Variants in SLC35F1 observed in about 807,000 individuals in gnomAD.
SLC35F1 encodes the protein chromosome 6 open reading frame 169.
In SLC35F1, 14 loss-of-function variants were observed where a neutral mutation model predicts 48.7. The observed-to-expected ratio is 0.29, with a 90% CI of 0.19 to 0.45. The LOEUF is 0.45. Among genes scored for constraint, SLC35F1 ranks in the 20% least tolerant of loss-of-function variants. The pLI is 1.00. For synonymous variants in SLC35F1, 190 were observed against 202.2 expected (o/e 0.94, Z 0.51); for missense variants, 404 against 500.0 (o/e 0.81, Z 1.83).
At chr6:117,960,681 T>C (rs936736613) in intron 1 of SLC35F1, among the ~76,000 whole-genome samples, 1 of 152,106 alleles carries the variant, frequency 6.6e-6, no homozygotes, top group African/African-American at 2.4e-5. Flanking sequence ...ATGAAGTGTA[T>C]TCTCTGCAGA....
intron 1 of SLC35F1, among the ~76,000 whole-genome samples, chr6:118,051,094 A>G (rs1461986605): frequency 6.6e-6 from 1 of 152,200 alleles, no homozygotes; most frequent in Non-Finnish European, 1.5e-5. Flanking sequence ...CTCCTGCTAA[A>G]TAAGTGTAGG....
intron 3 of SLC35F1, among the ~76,000 whole-genome samples, chr6:118,249,694 T>G (rs969989112): frequency 3.3e-5 from 5 of 152,234 alleles, no homozygotes; most frequent in Non-Finnish European, 7.3e-5. Flanking sequence ...TCAATGAGAA[T>G]GCATAGAAAC....
intron 1 of SLC35F1, among the ~76,000 whole-genome samples, chr6:118,024,209 C>T (rs1777434550): frequency 6.6e-6 from 1 of 152,136 alleles, no homozygotes; most frequent in Non-Finnish European, 1.5e-5. Flanking sequence ...TTGTGAGCCT[C>T]TAGGAAACCA....
At chr6:118,144,293 T>C (rs1264888485) in intron 1 of SLC35F1, among the ~76,000 whole-genome samples, 1 of 152,050 alleles carries the variant, frequency 6.6e-6, no homozygotes, top group African/African-American at 2.4e-5. Context: ...TGCAGGGACA[T>C]GGATGAAGCT....
chr6:118,184,659 A>G (rs1434961299), intron 2 of SLC35F1, among the ~76,000 whole-genome samples: 1 of 152,228 alleles, frequency 6.6e-6, no homozygotes, highest in Admixed American at 6.5e-5. Flanking sequence ...ACACACAAAA[A>G]TAAGTCTTCT....
At chr6:118,091,424 G>A (rs1390521662) in intron 1 of SLC35F1, among the ~76,000 whole-genome samples, 1 of 152,124 alleles carries the variant, frequency 6.6e-6, no homozygotes, top group Non-Finnish European at 1.5e-5. Flanking sequence ...GGGATCTGAT[G>A]GTTTTATGAA....
chr6:118,062,677 T>A (rs1772557484), intron 1 of SLC35F1, among the ~76,000 whole-genome samples: 2 of 152,126 alleles, frequency 1.3e-5, no homozygotes, highest in African/African-American at 2.4e-5. Context: ...TGAAAATATG[T>A]GATTTTAAAC....
At chr6:118,041,923 C>G (rs554941756) in intron 1 of SLC35F1, among the ~76,000 whole-genome samples, 3 of 150,762 alleles carry the variant, frequency 2.0e-5, no homozygotes, top group South Asian at 2.1e-4. Context: ...TCATTTGCTA[C>G]AGCCAAACAG....
At chr6:118,123,565 G>T (rs935480346) in intron 1 of SLC35F1, among the ~76,000 whole-genome samples, 8 of 152,096 alleles carry the variant, frequency 5.3e-5, no homozygotes, top group Non-Finnish European at 1.2e-4. Flanking sequence ...TGTTCTACAT[G>T]CAAGCGCTTT....
At chr6:117,942,371 C>T (rs539682642) in intron 1 of SLC35F1, among the ~76,000 whole-genome samples, 8 of 152,240 alleles carry the variant, frequency 5.3e-5, no homozygotes, top group Non-Finnish European at 7.4e-5. Flanking sequence ...AACATCACTT[C>T]GTTATAGAAT....
At chr6:118,032,969 G>A (rs1167550599) in intron 1 of SLC35F1, among the ~76,000 whole-genome samples, 4 of 152,112 alleles carry the variant, frequency 2.6e-5, no homozygotes, top group East Asian at 3.9e-4. Flanking sequence ...ACTGAAGCGT[G>A]CAGGTGATGT....
intron 1 of SLC35F1, among the ~76,000 whole-genome samples, chr6:117,960,862 T>C (rs1003984881): frequency 2.0e-5 from 3 of 152,182 alleles, no homozygotes; most frequent in Non-Finnish European, 4.4e-5. Context: ...TACGTCTACA[T>C]AGTTATATGA....
intron 1 of SLC35F1, among the ~76,000 whole-genome samples, chr6:117,929,538 T>C (rs538938813): frequency 2.0e-5 from 3 of 151,448 alleles, no homozygotes; most frequent in Non-Finnish European, 4.4e-5. Context: ...AAGGAATTGG[T>C]TTTTGTAACT....
Position 118,201,921 on chromosome 6 carries a change from A to G in SLC35F1, c.350-33588A>G, listed in dbSNP as rs1582072. Among the ~76,000 whole-genome samples, 734 of 152,270 alleles carry G rather than the reference A, an allele frequency of 4.8e-3. 8 individuals carry two copies. The highest frequency in any genetic ancestry group is 0.017 in the African/African-American group (708 of 41,558). On this transcript the variant is annotated intron_variant, in intron 2 of 7. Transcript: ENST00000360388. The stretch of plus-strand genomic sequence containing the variant: ...AGCACAATATTTTCAAGGTTCATCC[A>G]TTTTGTAGCATGTATTATCACTTCA...
intron 1 of SLC35F1, among the ~76,000 whole-genome samples, chr6:118,037,358 G>A (rs1414135339): frequency 1.3e-5 from 2 of 151,912 alleles, no homozygotes; most frequent in Admixed American, 1.3e-4. Flanking sequence ...TTTTGGATAT[G>A]GGTTTACATT....
chr6:117,947,830 T>C (rs1776314532), intron 1 of SLC35F1, among the ~76,000 whole-genome samples: 1 of 152,008 alleles, frequency 6.6e-6, no homozygotes, highest in Non-Finnish European at 1.5e-5. Context: ...CTGAGAGAGG[T>C]ATTGCCAAGC....
At chr6:118,005,355 A>T (rs1777160322) in intron 1 of SLC35F1, among the ~76,000 whole-genome samples, 1 of 152,182 alleles carries the variant, frequency 6.6e-6, no homozygotes, top group Admixed American at 6.5e-5. Context: ...TGTTTCTTTC[A>T]ATGAAACCAC....
intron 1 of SLC35F1, among the ~76,000 whole-genome samples, chr6:117,940,663 G>T (rs11752242): frequency 2.6e-5 from 4 of 151,524 alleles, no homozygotes; most frequent in Admixed American, 6.6e-5. Flanking sequence ...TTGTGTGTGT[G>T]TGTGTGACAG....
chr6:118,046,387 A>G lies in SLC35F1; in HGVS notation c.174-108058A>G, dbSNP rs549145825. 2.0e-5 allele frequency among the ~76,000 whole-genome samples: 3 copies of G among 152,296 alleles called. No individual in the cohort carries two copies. In the East Asian group the frequency reaches 5.8e-4, roughly 29 times the overall value. The stretch of plus-strand genomic sequence containing the variant: ...ACTTGTCTATTCTGTCTTTCTGAAA[A>G]TAAGAGATGAATTAGATAATGCTTC... On this transcript the variant is annotated intron_variant, in intron 1 of 7. Transcript: ENST00000360388.
Sources: gnomAD v4.1 joint callset for allele counts (sites outside exome capture counted in the v4.1 genomes callset) on GRCh38, gnomAD v4.1.1 for gene constraint, MANE v1.5 for transcripts, NCBI Gene and HGNC (gene_info 2026-07-23, HGNC 2026-07-21) for gene names.